The following MTUS2 variants were observed in gnomAD, a reference collection of about 807,000 sequenced individuals.
MTUS2 encodes the protein microtubule-associated tumor suppressor candidate 2.
A neutral mutation model predicts 114.1 loss-of-function variants in MTUS2; 40 were observed. That is an observed-to-expected ratio of 0.35 (90% CI 0.27 to 0.46). The LOEUF (loss-of-function observed/expected upper bound fraction) is 0.46. Among genes scored for constraint, MTUS2 ranks in the 20% least tolerant of loss-of-function variants. The pLI, the probability that MTUS2 is intolerant of heterozygous loss-of-function variation, is 1.00. For synonymous variants in MTUS2, 688 were observed against 672.0 expected, an observed-to-expected ratio of 1.02 and a Z score of -0.37; for missense variants, 1,679 against 1,705.4, an observed-to-expected ratio of 0.98 and a Z score of 0.27.
chr13:29,435,202 T>A (rs1877318411), intron 8 of MTUS2, among the ~76,000 whole-genome samples: 1 of 152,220 alleles, frequency 6.6e-6, no homozygotes, highest in Non-Finnish European at 1.5e-5. Flanking sequence ...GTGAAGCCTG[T>A]CATAGAATAA....
intron 7 of MTUS2, among the ~76,000 whole-genome samples, chr13:29,331,447 T>G (rs1900774777): frequency 6.6e-6 from 1 of 152,198 alleles, no homozygotes. Context: ...CTGATTGCCC[T>G]GGCTAGAGCA....
intron 5 of MTUS2, among the ~76,000 whole-genome samples, chr13:29,252,460 C>A (rs185659099): frequency 6.6e-6 from 1 of 152,086 alleles, no homozygotes; most frequent in Non-Finnish European, 1.5e-5. Context: ...GTGAGTGAGG[C>A]GTTGCTGCAG....
chr13:29,082,658 C>T (rs1401614577), intron 4 of MTUS2, among the ~76,000 whole-genome samples: 2 of 152,154 alleles, frequency 1.3e-5, no homozygotes, highest in Non-Finnish European at 2.9e-5. Flanking sequence ...CTATGCCAAG[C>T]TTGCAGGGTG....
chr13:29,017,770 C>T (rs1886128168), intron 2 of MTUS2, among the ~76,000 whole-genome samples: 1 of 151,590 alleles, frequency 6.6e-6, no homozygotes, highest in Admixed American at 6.6e-5. Flanking sequence ...GATGAGATTA[C>T]CTCATCTGGA....
intron 5 of MTUS2, among the ~76,000 whole-genome samples, chr13:29,235,201 G>A (rs7984547): frequency 0.85 from 129,178 of 152,100 alleles, 55,023 homozygotes; most frequent in African/African-American, 0.91. Flanking sequence ...GGTTCAAGCA[G>A]TTCTTCTGCC....
intron 8 of MTUS2, among the ~76,000 whole-genome samples, chr13:29,393,384 C>G (rs1873657714): frequency 1.3e-5 from 2 of 152,158 alleles, no homozygotes; most frequent in African/African-American, 2.4e-5. Context: ...GAACCATTAC[C>G]TTTAAAAACT....
intron 4 of MTUS2, among the ~76,000 whole-genome samples, chr13:29,092,691 C>T (rs1890012737): frequency 6.6e-6 from 1 of 152,136 alleles, no homozygotes; most frequent in Non-Finnish European, 1.5e-5. Flanking sequence ...GGGGCACCTT[C>T]TGCAACAGGC....
At chr13:29,103,266 C>T (rs1326910116) in intron 5 of MTUS2, among the ~76,000 whole-genome samples, 1 of 152,080 alleles carries the variant, frequency 6.6e-6, no homozygotes, top group Admixed American at 6.5e-5. Flanking sequence ...GTCATCGTGG[C>T]GCAAACATCA....
intron 2 of MTUS2, among the ~76,000 whole-genome samples, chr13:28,919,582 A>G (rs1880933247): frequency 6.6e-6 from 1 of 151,922 alleles, no homozygotes. Context: ...GTGTTCTATA[A>G]CCTTCTTGCA....
At chr13:29,211,254 G>A (rs1895418866) in intron 5 of MTUS2, among the ~76,000 whole-genome samples, 2 of 152,162 alleles carry the variant, frequency 1.3e-5, no homozygotes, top group African/African-American at 2.4e-5. Flanking sequence ...GGGACTGGGG[G>A]AAAGCTGGCA....
chr13:29,218,691 G>A (rs980413984), intron 5 of MTUS2, among the ~76,000 whole-genome samples: 2 of 152,298 alleles, frequency 1.3e-5, no homozygotes, highest in African/African-American at 2.4e-5. Flanking sequence ...CCATCAGAGC[G>A]CTTGAGTGAG....
At chr13:29,154,696 C>G (rs1344312838) in intron 5 of MTUS2, among the ~76,000 whole-genome samples, 2 of 152,152 alleles carry the variant, frequency 1.3e-5, no homozygotes, top group East Asian at 3.8e-4. Context: ...GCATCTTTTG[C>G]TTACATAATT....
intron 9 of MTUS2, among the ~76,000 whole-genome samples, chr13:29,440,678 C>T (rs768000337): frequency 3.9e-5 from 6 of 152,112 alleles, no homozygotes; most frequent in Non-Finnish European, 7.4e-5. Context: ...TATTCTCTTT[C>T]CCCAGGAATC....
intron 7 of MTUS2, among the ~76,000 whole-genome samples, chr13:29,338,245 T>C (rs1317239497): frequency 6.6e-6 from 1 of 152,180 alleles, no homozygotes; most frequent in Non-Finnish European, 1.5e-5. Context: ...TTTAACTAAG[T>C]TTAATTCATG....
intron 8 of MTUS2, among the ~76,000 whole-genome samples, chr13:29,429,853 C>T (rs772288262): frequency 5.3e-5 from 8 of 152,122 alleles, no homozygotes; most frequent in Non-Finnish European, 1.2e-4. Context: ...CATCAAAAAG[C>T]GGTCACTTGG....
At chr13:29,493,176 G>A (rs906881988) in intron 12 of MTUS2, among the ~76,000 whole-genome samples, 7 of 152,182 alleles carry the variant, frequency 4.6e-5, no homozygotes, top group African/African-American at 1.4e-4. Context: ...TGGCTGAGAC[G>A]AAAAGCACCT....
intron 4 of MTUS2, among the ~76,000 whole-genome samples, chr13:29,058,777 T>C (rs1048855038): frequency 2.0e-5 from 3 of 147,282 alleles, no homozygotes; most frequent in Non-Finnish European, 4.4e-5. Flanking sequence ...TGTGTTCTCA[T>C]TGTTCAATTC....
intron 4 of MTUS2, among the ~76,000 whole-genome samples, chr13:29,044,195 A>G (rs1887506846): frequency 6.7e-6 from 1 of 149,722 alleles, no homozygotes; most frequent in South Asian, 2.1e-4. Flanking sequence ...ACTTTTGATA[A>G]ATATTTTTGC....
intron 2 of MTUS2, among the ~76,000 whole-genome samples, chr13:28,903,758 A>C (rs941786315): frequency 1.3e-5 from 2 of 151,956 alleles, no homozygotes; most frequent in East Asian, 3.9e-4. Context: ...ATGATTTATA[A>C]TCCTTTGGGT....
Sources: gnomAD v4.1 joint callset for allele counts (sites outside exome capture counted in the v4.1 genomes callset) on GRCh38, gnomAD v4.1.1 for gene constraint, MANE v1.5 for transcripts, NCBI Gene and HGNC (gene_info 2026-07-23, HGNC 2026-07-21) for gene names.